The following C7orf33 variants were observed in gnomAD, a reference collection of about 807,000 sequenced individuals.
The protein encoded by C7orf33 is uncharacterized protein C7orf33.
In C7orf33, 15 loss-of-function variants were observed where a neutral mutation model predicts 13.4. That is an observed-to-expected ratio of 1.12 (90% CI 0.75 to 1.72). The LOEUF is 1.72. C7orf33 is among the 40% of genes most tolerant of loss of function. The probability of loss-of-function intolerance (pLI) is 0.00; values close to 1 mark genes in which losing one functional copy is unlikely to be tolerated. For missense variants in C7orf33, 187 were observed against 220.3 expected, an observed-to-expected ratio of 0.85 and a Z score of 0.96; for synonymous variants, 73 against 83.2, an observed-to-expected ratio of 0.88 and a Z score of 0.67.
Position 148,590,789 on chromosome 7 carries a change from G to GT in C7orf33, c.-137_-136insT, listed in dbSNP as rs1796256612. On this transcript the variant is annotated 5_prime_UTR_variant, in exon 1 of 3. An upstream open reading frame in the 5' UTR loses its in-frame stop. Coordinates refer to ENST00000307003, the MANE Select transcript of C7orf33 (RefSeq NM_145304.4). ...TTACTTATGGTGATGCCAATCCAGTGGTCAGGAGCGAGGCGCCCAGCCTGT... is the reference window on the plus strand; with the variant it reads ...TTACTTATGGTGATGCCAATCCAGTGTGTCAGGAGCGAGGCGCCCAGCCTGT... The GT allele has an allele frequency of 2.6e-6, 2 of 771,106 alleles. No homozygotes were observed. Among genetic ancestry groups the GT allele is most frequent in the Non-Finnish European group, 4.4e-6 (2 of 452,866 alleles). 47.8% of individuals were successfully genotyped at this position (771,106 alleles called of 1,614,324 possible). A position where few individuals can be genotyped will look rare whatever the true frequency, so the allele number is the denominator to read the frequency against.
chr7:148,608,536 C>T (rs964277026), intron 1 of C7orf33, among the ~76,000 whole-genome samples: 3 of 152,212 alleles, frequency 2.0e-5, no homozygotes, highest in African/African-American at 7.2e-5. Flanking sequence ...TCTAAATTGC[C>T]GTGGCTCAGT....
chr7:148,614,023 G>GT lies in C7orf33; in HGVS notation c.205-16dup, dbSNP rs11434056. 864,026 of 1,608,648 alleles carry GT rather than the reference G, an allele frequency of 0.54. 234,141 individuals carry two copies. Among genetic ancestry groups the GT allele is most frequent in the East Asian group, 0.62 (27,704 of 44,778 alleles). On this transcript the variant is annotated intron_variant, in intron 1 of 2. Coordinates refer to ENST00000307003, the MANE Select transcript of C7orf33 (RefSeq NM_145304.4). ...TTCCACCCTTTAACCCAATTTGTTT[G>GT]TTTGTTTGTTTTTTCCAGAAGCCAA...
chr7:148,591,737 G>C (rs1188509698), intron 1 of C7orf33, among the ~76,000 whole-genome samples: 1 of 152,080 alleles, frequency 6.6e-6, no homozygotes, highest in Admixed American at 6.6e-5. Flanking sequence ...TGTGCCATCA[G>C]GCTTAGCTAA....
intron 1 of C7orf33, among the ~76,000 whole-genome samples, chr7:148,595,682 G>GATATAATATAC (rs1796330991): frequency 1.3e-5 from 1 of 79,070 alleles, no homozygotes; most frequent in African/African-American, 9.6e-5. Flanking sequence ...ATATAATATA[G>GATATAATATAC]ATCTATATTA....
chr7:148,605,862 A>T (rs1372691295), intron 1 of C7orf33, among the ~76,000 whole-genome samples: 1 of 152,172 alleles, frequency 6.6e-6, no homozygotes, highest in Non-Finnish European at 1.5e-5. Context: ...TTTATATTAA[A>T]TTCTTACTGT....
chr7:148,592,706 G>C (rs1467436133), intron 1 of C7orf33, among the ~76,000 whole-genome samples: 1 of 152,026 alleles, frequency 6.6e-6, no homozygotes, highest in Admixed American at 6.6e-5. Flanking sequence ...GTAGAGACAG[G>C]GTTTCACCAT....
intron 1 of C7orf33, among the ~76,000 whole-genome samples, chr7:148,606,923 A>T (rs961056101): frequency 2.0e-4 from 10 of 50,808 alleles, no homozygotes; most frequent in South Asian, 7.4e-4. Context: ...GACCCCATTT[A>T]AAAAAAAAAT....
intron 1 of C7orf33, among the ~76,000 whole-genome samples, chr7:148,599,623 C>T (rs1796390561): frequency 6.6e-6 from 1 of 151,956 alleles, no homozygotes; most frequent in African/African-American, 2.4e-5. Context: ...TACAGGTGCG[C>T]ACCATCACGT....
intron 1 of C7orf33, among the ~76,000 whole-genome samples, chr7:148,600,427 T>C (rs931027344): frequency 1.3e-5 from 2 of 152,144 alleles, no homozygotes; most frequent in South Asian, 2.1e-4. Flanking sequence ...GCTGAGATCA[T>C]GCTATTGTAC....
intron 2 of C7orf33, 148 bp downstream of exon 2, chr7:148,614,444 T>G: frequency 1.0e-6 from 1 of 969,146 alleles, no homozygotes; most frequent in Non-Finnish European, 1.5e-6. Flanking sequence ...ATGAAACTGA[T>G]CTGATCCCAT....
At position 148,614,048 on chromosome 7, in the gene C7orf33, A is replaced by G. The variant is rs201498451; in HGVS notation, c.211A>G (p.Asn71Asp). The G allele has an allele frequency of 6.2e-7, 1 of 1,613,612 alleles. No homozygotes were observed. Among genetic ancestry groups the G allele is most frequent in the Non-Finnish European group, 8.5e-7 (1 of 1,179,540 alleles). ...GTTTGTTTGTTTTTTCCAGAAGCCA[A>G]ACCCACACCAAAACATGAACCGGGG... ...SYATGRHKKP[N>D]PHQNMNRGME... Residue 71 changes from asparagine (N) to aspartate (D), a missense_variant, in exon 2 of 3, where the codon AAC becomes GAC. Physicochemically the swap from Asn to Asp is conservative, Grantham distance 23. Transcript: ENST00000307003.
At position 148,611,188 on chromosome 7, in the gene C7orf33, G is replaced by A. The variant is rs113615382; in HGVS notation, c.205-2854G>A. ...ATGGGAGTTGGGCAGGGAAGTGCTG[G>A]GTAGAGAAGGGCCAGGTCCCTGGTG... On this transcript the variant is annotated intron_variant, in intron 1 of 2. Coordinates refer to ENST00000307003, the MANE Select transcript of C7orf33 (RefSeq NM_145304.4). Among the ~76,000 whole-genome samples the A allele has an allele frequency of 1.1e-3, 171 of 152,262 alleles. 1 individual carries two copies. The highest frequency in any genetic ancestry group is 4.0e-3 in the African/African-American group (166 of 41,564).
At position 148,600,725 on chromosome 7, in the gene C7orf33, T is replaced by G. The variant is rs184642295; in HGVS notation, c.204+9596T>G. On this transcript the variant is annotated intron_variant, in intron 1 of 2. Coordinates refer to ENST00000307003, the MANE Select transcript of C7orf33 (RefSeq NM_145304.4). ...TTATCCATTTTGCCAGGGTTCTGTCTTATTAATCTTTCAAAGGACCAGCTT... is the reference window on the plus strand; with the variant it reads ...TTATCCATTTTGCCAGGGTTCTGTCGTATTAATCTTTCAAAGGACCAGCTT... Among the ~76,000 whole-genome samples, 209 of 152,310 alleles carry G rather than the reference T, an allele frequency of 1.4e-3. 2 individuals carry two copies. The highest frequency in any genetic ancestry group is 4.9e-3 in the African/African-American group (205 of 41,574).
intron 1 of C7orf33, among the ~76,000 whole-genome samples, chr7:148,606,378 C>T (rs2116898572): frequency 6.6e-6 from 1 of 152,256 alleles, no homozygotes; most frequent in African/African-American, 2.4e-5. Flanking sequence ...AATACCTCAC[C>T]TCTGGAGATG....
At chr7:148,603,747 A>G (rs1796442830) in intron 1 of C7orf33, among the ~76,000 whole-genome samples, 1 of 152,230 alleles carries the variant, frequency 6.6e-6, no homozygotes, top group African/African-American at 2.4e-5. Flanking sequence ...CCTGTACTTC[A>G]CTGTACCAAC....
intron 1 of C7orf33, among the ~76,000 whole-genome samples, chr7:148,608,311 T>A (rs1450843739): frequency 6.6e-6 from 1 of 151,788 alleles, no homozygotes; most frequent in Non-Finnish European, 1.5e-5. Context: ...GCGCCTGTAG[T>A]CCCAGCTACT....
chr7:148,600,940 C>T (rs1563122033), intron 1 of C7orf33, among the ~76,000 whole-genome samples: 1 of 151,478 alleles, frequency 6.6e-6, no homozygotes, highest in Non-Finnish European at 1.5e-5. Context: ...GTAGCTGGGA[C>T]TACAGGCACA....
intron 1 of C7orf33, among the ~76,000 whole-genome samples, chr7:148,599,940 C>A (rs1300010763): frequency 1.3e-5 from 2 of 152,208 alleles, no homozygotes; most frequent in Admixed American, 6.5e-5. Context: ...CAAACTCCAT[C>A]TACACGCCCA....
At chr7:148,614,667 A>G (rs1796581972) in intron 2 of C7orf33, among the ~76,000 whole-genome samples, 2 of 152,196 alleles carry the variant, frequency 1.3e-5, no homozygotes, top group African/African-American at 4.8e-5. Context: ...TTGCAGATGG[A>G]GTCTCTACAG....
Sources: gnomAD v4.1 joint callset for allele counts (sites outside exome capture counted in the v4.1 genomes callset) on GRCh38, gnomAD v4.1.1 for gene constraint, MANE v1.5 for transcripts, NCBI Gene and HGNC (gene_info 2026-07-23, HGNC 2026-07-21) for gene names.